Variants in CLVS1 observed in about 807,000 individuals in gnomAD.
CLVS1 encodes clavesin 1.
Under a neutral mutation model 33.1 loss-of-function variants are expected in CLVS1, and 10 were observed. The ratio of observed to expected loss-of-function variants is 0.30; its 90% CI spans 0.19 to 0.51. The LOEUF (loss-of-function observed/expected upper bound fraction) is 0.51, where lower values mean the gene tolerates loss of function less well. Ranked by LOEUF, CLVS1 falls within the 20% of genes least tolerant of loss-of-function variation. CLVS1 has a pLI of 0.97. For synonymous variants in CLVS1, 163 were observed against 166.1 expected (o/e 0.98, Z 0.14); for missense variants, 343 against 433.4 (o/e 0.79, Z 1.85).
chr8:61,487,107 G>A (rs1586047852), intron 5 of CLVS1, among the ~76,000 whole-genome samples: 1 of 152,026 alleles, frequency 6.6e-6, no homozygotes, highest in Non-Finnish European at 1.5e-5. Context: ...TCTGGGCTGG[G>A]TCTGAGAATC....
chr8:61,219,677 C>G (rs568914800), intron 2 of CLVS1, among the ~76,000 whole-genome samples: 1 of 152,138 alleles, frequency 6.6e-6, no homozygotes, highest in African/African-American at 2.4e-5. Context: ...AATGGGATTG[C>G]TGGGTCAAAT....
At chr8:61,003,155 G>A in the CLVS1 span, among the ~76,000 whole-genome samples, 1 of 152,188 alleles carries the variant, frequency 6.6e-6, no homozygotes, top group Non-Finnish European at 1.5e-5. Flanking sequence ...CTCTGGTTGG[G>A]TCCTGCTCCA....
At chr8:61,193,927 G>A (rs1273527782) in intron 2 of CLVS1, among the ~76,000 whole-genome samples, 4 of 152,006 alleles carry the variant, frequency 2.6e-5, no homozygotes, top group Non-Finnish European at 5.9e-5. Flanking sequence ...CATATAAATT[G>A]GAACATAAGT....
intron 5 of CLVS1, among the ~76,000 whole-genome samples, chr8:61,477,372 T>G (rs184565573): frequency 8.5e-5 from 13 of 152,300 alleles, no homozygotes; most frequent in Non-Finnish European, 1.9e-4. Flanking sequence ...TCAGAAGGAA[T>G]GGTACCAGCT....
chr8:61,401,692 T>A (rs113858741), intron 3 of CLVS1, among the ~76,000 whole-genome samples: 3,145 of 152,194 alleles, frequency 0.021, 90 homozygotes, highest in African/African-American at 0.071. Context: ...TTCTTCACAG[T>A]TTTAGAAAAA....
chr8:61,371,436 G>A (rs1813433320), intron 2 of CLVS1, among the ~76,000 whole-genome samples: 1 of 152,080 alleles, frequency 6.6e-6, no homozygotes, highest in Non-Finnish European at 1.5e-5. Flanking sequence ...CTCCCACTTT[G>A]TGGGTTGTCT....
chr8:61,246,030 C>T (rs1218304078), intron 2 of CLVS1, among the ~76,000 whole-genome samples: 1 of 151,942 alleles, frequency 6.6e-6, no homozygotes, highest in Non-Finnish European at 1.5e-5. Context: ...TCTTTGCCTC[C>T]CAAAGTTTTG....
chr8:61,350,156 GTTTATTTTATTAGCTCAA>G (rs1402557771), intron 2 of CLVS1, among the ~76,000 whole-genome samples: 1 of 152,152 alleles, frequency 6.6e-6, no homozygotes, highest in East Asian at 1.9e-4. Context: ...GTTTATACAT[GTTTATTTTATTAGCTCAA>G]TTTAACCATT....
At chr8:61,299,205 G>T (rs1011474763) in intron 1 of CLVS1, among the ~76,000 whole-genome samples, 4 of 152,120 alleles carry the variant, frequency 2.6e-5, no homozygotes, top group African/African-American at 4.8e-5. Flanking sequence ...TTAAGAAAGT[G>T]GGGGAAGGGT....
In CLVS1 at chr8:61,236,899, T is replaced by G. The variant is rs550045409; in HGVS notation, c.-151-62778T>G. On this transcript the variant is annotated intron_variant, in intron 2 of 2. Transcript: ENST00000522621. ...GATGCGAGAGGTCAGGGAGCCAACA[T>G]CTGCACCTCTGACTGCCTACAATGC... Among the ~76,000 whole-genome samples the G allele has an allele frequency of 2.5e-4, 38 of 152,254 alleles. No individual in the cohort carries two copies. In the East Asian group the frequency reaches 4.8e-3, roughly 19 times the overall value.
intron 2 of CLVS1, among the ~76,000 whole-genome samples, chr8:61,182,289 A>C (rs1181946747): frequency 6.6e-6 from 1 of 152,210 alleles, no homozygotes; most frequent in Non-Finnish European, 1.5e-5. Flanking sequence ...TTCATGATGA[A>C]AACGCCAAAA....
chr8:61,468,735 A>AAAAAATG (rs1217287345), intron 5 of CLVS1, among the ~76,000 whole-genome samples: 1 of 138,740 alleles, frequency 7.2e-6, no homozygotes, highest in African/African-American at 3.1e-5. Context: ...AAAAAAAAAA[A>AAAAAATG]AAAAGGTAGT....
intron 5 of CLVS1, among the ~76,000 whole-genome samples, chr8:61,478,472 A>G (rs1002565794): frequency 1.3e-5 from 2 of 152,134 alleles, no homozygotes; most frequent in Non-Finnish European, 2.9e-5. Context: ...GTAGGTCTCT[A>G]AGGACTTGCT....
At chr8:61,058,063 T>C (rs1804512018) in intron 1 of CLVS1, among the ~76,000 whole-genome samples, 1 of 152,222 alleles carries the variant, frequency 6.6e-6, no homozygotes, top group African/African-American at 2.4e-5. Context: ...TCAGTCAAAG[T>C]GTACAACCTA....
intron 5 of CLVS1, chr8:61,465,825 C>T (rs561805704): frequency 3.3e-5 from 5 of 152,198 alleles, no homozygotes; most frequent in African/African-American, 9.6e-5. Context: ...CCACGCCCAG[C>T]TAATTTTTTT....
intron 5 of CLVS1, among the ~76,000 whole-genome samples, chr8:61,483,065 A>G (rs1803727934): frequency 6.6e-6 from 1 of 152,242 alleles, no homozygotes; most frequent in East Asian, 1.9e-4. Flanking sequence ...TTCAAAAGCT[A>G]GCAGAAGGCA....
intron 1 of CLVS1, among the ~76,000 whole-genome samples, chr8:61,064,851 G>A (rs539064385): frequency 3.2e-4 from 49 of 152,096 alleles, no homozygotes; most frequent in Admixed American, 2.5e-3. Flanking sequence ...ACAGGTGCCC[G>A]CCACCACGCC....
At chr8:61,490,335 AAAG>A (rs1013509339) in intron 5 of CLVS1, among the ~76,000 whole-genome samples, 2 of 151,684 alleles carry the variant, frequency 1.3e-5, no homozygotes, top group African/African-American at 4.8e-5. Flanking sequence ...AAAAAAAAAA[AAAG>A]AAGGAAAGAA....
intron 2 of CLVS1, among the ~76,000 whole-genome samples, chr8:61,155,209 A>T (rs182056737): frequency 1.1e-4 from 17 of 152,260 alleles, no homozygotes; most frequent in South Asian, 8.3e-4. Context: ...ACCCTCCAGG[A>T]TCTCTCTCCT....
Sources: gnomAD v4.1 joint callset for allele counts (sites outside exome capture counted in the v4.1 genomes callset) on GRCh38, gnomAD v4.1.1 for gene constraint, MANE v1.5 for transcripts, NCBI Gene and HGNC (gene_info 2026-07-23, HGNC 2026-07-21) for gene names.